GRIK4: variants seen among roughly 807,000 people sequenced by gnomAD.
The protein encoded by GRIK4 is glutamate ionotropic receptor kainate type subunit 4.
Under a neutral mutation model 104.9 loss-of-function variants are expected in GRIK4, and 40 were observed. The ratio of observed to expected loss-of-function variants is 0.38; its 90% CI spans 0.30 to 0.50. GRIK4 has a LOEUF of 0.50. Among genes scored for constraint, GRIK4 ranks in the 20% least tolerant of loss-of-function variants. The pLI is 0.93. For missense variants in GRIK4, 1,047 were observed against 1,308.1 expected (o/e 0.80, Z 3.08); for synonymous variants, 485 against 524.9 (o/e 0.92, Z 1.04).
At chr11:120,969,701 GTC>G (rs1346123377) in intron 19 of GRIK4, among the ~76,000 whole-genome samples, 1 of 152,132 alleles carries the variant, frequency 6.6e-6, no homozygotes, top group East Asian at 1.9e-4. Flanking sequence ...AAAGAGCGCC[GTC>G]TCTCCTCCAT....
chr11:120,935,736 C>A (rs1343427214), intron 13 of GRIK4, among the ~76,000 whole-genome samples: 1 of 152,146 alleles, frequency 6.6e-6, no homozygotes, highest in Non-Finnish European at 1.5e-5. Context: ...CACCCCCATA[C>A]ATAACTAATT....
At chr11:120,973,464 G>A (rs941217088) in intron 19 of GRIK4, among the ~76,000 whole-genome samples, 3 of 152,218 alleles carry the variant, frequency 2.0e-5, no homozygotes, top group South Asian at 2.1e-4. Context: ...AAATGCATCC[G>A]AAGATTTCTG....
intron 11 of GRIK4, among the ~76,000 whole-genome samples, chr11:120,892,653 C>T (rs1008404121): frequency 6.6e-6 from 1 of 152,154 alleles, no homozygotes; most frequent in African/African-American, 2.4e-5. Context: ...GCAGGACTTT[C>T]TGCAGTGCAT....
intron 1 of GRIK4, among the ~76,000 whole-genome samples, chr11:120,562,895 A>G (rs1204722492): frequency 3.3e-5 from 5 of 152,176 alleles, no homozygotes; most frequent in African/African-American, 1.2e-4. Context: ...AGGGGATCAG[A>G]ATGGGCAGCC....
intron 1 of GRIK4, among the ~76,000 whole-genome samples, chr11:120,636,873 T>C (rs912088916): frequency 6.6e-6 from 1 of 151,752 alleles, no homozygotes; most frequent in African/African-American, 2.4e-5. Context: ...AGTTCTACTC[T>C]CTGGGCTCTG....
At chr11:120,643,109 A>G (rs531900018) in intron 1 of GRIK4, among the ~76,000 whole-genome samples, 1 of 152,354 alleles carries the variant, frequency 6.6e-6, no homozygotes, top group Middle Eastern at 3.4e-3. Flanking sequence ...GAACAAAGCA[A>G]ACAAAATCCC....
At chr11:120,935,989 A>C (rs1242485199) in intron 13 of GRIK4, 2 of 206,036 alleles carry the variant, frequency 9.7e-6, no homozygotes, top group Middle Eastern at 3.7e-3. Flanking sequence ...GGTGGGTGTT[A>C]AATGCTTGAT....
chr11:120,865,356 C>G (rs1049443753), intron 9 of GRIK4, among the ~76,000 whole-genome samples: 3 of 152,130 alleles, frequency 2.0e-5, no homozygotes, highest in Non-Finnish European at 4.4e-5. Context: ...AATATGCATA[C>G]AATACACATT....
At chr11:120,937,267 GACCTCA>G (rs1943618191) in intron 13 of GRIK4, among the ~76,000 whole-genome samples, 1 of 152,142 alleles carries the variant, frequency 6.6e-6, no homozygotes, top group Admixed American at 6.5e-5. Flanking sequence ...TCGAACTCCT[GACCTCA>G]GGTGATCCAC....
intron 3 of GRIK4, among the ~76,000 whole-genome samples, chr11:120,670,511 T>G (rs1466031052): frequency 6.6e-6 from 1 of 152,192 alleles, no homozygotes; most frequent in Non-Finnish European, 1.5e-5. Flanking sequence ...GCTTCTTTGC[T>G]TTTCCTCAAA....
At chr11:120,569,836 G>A (rs1286598833) in intron 1 of GRIK4, among the ~76,000 whole-genome samples, 3 of 152,218 alleles carry the variant, frequency 2.0e-5, no homozygotes, top group Non-Finnish European at 2.9e-5. Context: ...CTGGGAACCT[G>A]AGGGAGGGTC....
rs963942492 is a variant in GRIK4 at position 120,878,338 on chromosome 11, C to T, written c.1164+3095C>T. On this transcript the variant is annotated intron_variant, in intron 11 of 20. Coordinates refer to ENST00000527524, the MANE Select transcript of GRIK4 (RefSeq NM_014619.5). ...CAGGAATCCGCATAATTTTAACCAG[C>T]TCCGAGATAGATGATTACAGTGCAG... is the stretch of plus-strand genomic sequence containing the variant. Among the ~76,000 whole-genome samples, 10 of 152,204 alleles carry T rather than the reference C, an allele frequency of 6.6e-5. No homozygotes were observed. The East Asian group carries it at 1.7e-3, about 26-fold the overall frequency.
At chr11:120,619,315 C>G (rs1254915844) in intron 1 of GRIK4, among the ~76,000 whole-genome samples, 8 of 152,160 alleles carry the variant, frequency 5.3e-5, no homozygotes, top group African/African-American at 1.9e-4. Flanking sequence ...GCCTATACCC[C>G]CATTGCATCT....
chr11:120,748,562 T>C (rs958467420), intron 3 of GRIK4, among the ~76,000 whole-genome samples: 19 of 152,030 alleles, frequency 1.2e-4, no homozygotes, highest in African/African-American at 4.6e-4. Context: ...AGGAGAGTAA[T>C]GAACAGCTAT....
chr11:120,689,027 T>C (rs897743249), intron 3 of GRIK4, among the ~76,000 whole-genome samples: 1 of 152,062 alleles, frequency 6.6e-6, no homozygotes, highest in Non-Finnish European at 1.5e-5. Flanking sequence ...AGTAACCAGA[T>C]GATCAATAAC....
chr11:120,783,762 A>G (rs1309970947), intron 3 of GRIK4, among the ~76,000 whole-genome samples: 1 of 152,228 alleles, frequency 6.6e-6, no homozygotes, highest in Admixed American at 6.5e-5. Context: ...GCTCTTGAGG[A>G]AATTCATGCA....
intron 14 of GRIK4, among the ~76,000 whole-genome samples, chr11:120,947,952 A>G (rs1369017934): frequency 2.0e-5 from 3 of 152,222 alleles, no homozygotes; most frequent in Admixed American, 6.5e-5. Flanking sequence ...TATGAGTTCT[A>G]TGGGCAACAG....
chr11:120,915,321 C>T (rs1943083433), intron 13 of GRIK4, among the ~76,000 whole-genome samples: 1 of 152,198 alleles, frequency 6.6e-6, no homozygotes, highest in Admixed American at 6.5e-5. Context: ...CCAAAAGGTT[C>T]TTTTCTGTCA....
At chr11:120,783,044 T>G (rs1008935311) in intron 3 of GRIK4, among the ~76,000 whole-genome samples, 1 of 152,184 alleles carries the variant, frequency 6.6e-6, no homozygotes, top group Non-Finnish European at 1.5e-5. Context: ...ACCTTCACAT[T>G]GGGGACCCCT....
Sources: allele counts gnomAD v4.1 joint callset (sites outside exome capture counted in the v4.1 genomes callset), GRCh38; gene constraint gnomAD v4.1.1; transcripts MANE v1.5; gene names NCBI Gene and HGNC (gene_info 2026-07-23, HGNC 2026-07-21).